The following ADAM29 variants were observed in gnomAD, a reference collection of about 807,000 sequenced individuals.
ADAM29 encodes the protein disintegrin and metalloproteinase domain-containing protein 29.
For missense variants in ADAM29, 969 were observed against 1,001.8 expected (o/e 0.97, Z 0.44); for synonymous variants, 367 against 342.3 (o/e 1.07, Z -0.80).
chr4:174,925,185 G>T (rs2110904699), intron 2 of ADAM29, among the ~76,000 whole-genome samples: 1 of 152,266 alleles, frequency 6.6e-6, no homozygotes, highest in South Asian at 2.1e-4. Flanking sequence ...TGTCCTGGAT[G>T]GGACCTTGGA....
intron 2 of ADAM29, among the ~76,000 whole-genome samples, chr4:174,928,427 A>AG (rs1306529327): frequency 6.7e-6 from 1 of 149,944 alleles, no homozygotes; most frequent in Admixed American, 6.7e-5. Flanking sequence ...GGGTCAGTGA[A>AG]GGGGGGTTTG....
rs764479028 is a variant in ADAM29, at chr4:174,976,778, A to G, written c.1253A>G (p.His418Arg). The change falls in exon 5 of 5, where the codon CAT becomes CGT. Residue 418 changes from histidine (H) to arginine (R), a missense_variant. Physicochemically the swap from His to Arg is conservative, Grantham distance 29. Transcript: ENST00000359240. Reference sequence around the variant, plus strand: ...GAGTGTGACTGTGGACCTTTAAAGCATTGTGCAAAAGATCCCTGCTGTCTG... The same window carrying G: ...GAGTGTGACTGTGGACCTTTAAAGCGTTGTGCAAAAGATCCCTGCTGTCTG... ...GEECDCGPLK[H>R]CAKDPCCLSN... The G allele has an allele frequency of 2.5e-5, 40 of 1,614,050 alleles. No homozygotes were observed. The highest frequency in any genetic ancestry group is 2.8e-5 in the Non-Finnish European group (33 of 1,180,022).
At chr4:174,940,771 T>C (rs1744492301) in intron 4 of ADAM29, among the ~76,000 whole-genome samples, 1 of 152,108 alleles carries the variant, frequency 6.6e-6, no homozygotes, top group African/African-American at 2.4e-5. Flanking sequence ...ATTTTCAGCA[T>C]GGTCATGATT....
At chr4:174,946,192 G>A (rs1433870369) in intron 4 of ADAM29, among the ~76,000 whole-genome samples, 1 of 151,952 alleles carries the variant, frequency 6.6e-6, no homozygotes, top group Non-Finnish European at 1.5e-5. Context: ...AATTCTCATG[G>A]ACAAAATCTT....
intron 4 of ADAM29, among the ~76,000 whole-genome samples, chr4:174,967,476 C>T (rs1746220472): frequency 6.6e-6 from 1 of 152,062 alleles, no homozygotes; most frequent in Admixed American, 6.6e-5. Flanking sequence ...CACAAAGTGG[C>T]TCTCATATAT....
At position 174,965,799 on chromosome 4, in the gene ADAM29, G is replaced by A. The variant is rs191972152; in HGVS notation, c.-180-9547G>A. ...CTCATCATGGGGGCCTTGCTCTCAT[G>A]ATCTCATTTAAACCTAATTAACATC... is the stretch of plus-strand genomic sequence containing the variant. On this transcript the variant is annotated intron_variant, in intron 4 of 4. Coordinates refer to ENST00000359240, the MANE Select transcript of ADAM29 (RefSeq NM_014269.4). 4.6e-5 allele frequency among the ~76,000 whole-genome samples: 7 copies of A among 151,624 alleles called. 1 individual carries two copies. Among genetic ancestry groups the A allele is most frequent in the African/African-American group, 1.7e-4 (7 of 40,984 alleles).
At chr4:174,933,748 T>C (rs1744044458) in intron 3 of ADAM29, among the ~76,000 whole-genome samples, 2 of 152,190 alleles carry the variant, frequency 1.3e-5, no homozygotes, top group Non-Finnish European at 2.9e-5. Context: ...TGTTTCTGTG[T>C]TAGTTTGCTA....
intron 4 of ADAM29, among the ~76,000 whole-genome samples, chr4:174,964,874 G>A (rs1746059160): frequency 6.6e-6 from 1 of 151,434 alleles, no homozygotes; most frequent in African/African-American, 2.4e-5. Context: ...TTATGTATAT[G>A]TTCATAAGTG....
intron 4 of ADAM29, among the ~76,000 whole-genome samples, chr4:174,970,712 A>T (rs1009417501): frequency 3.9e-5 from 6 of 152,158 alleles, no homozygotes; most frequent in South Asian, 2.1e-4. Context: ...AGCTAAAAGA[A>T]AAATAAACAT....
At position 174,975,884 on chromosome 4, in the gene ADAM29, T is replaced by A; in HGVS notation, c.359T>A (p.Phe120Tyr). ...TCCCTGGTTTCCCTCAGTACCTGTT[T>A]TGGGGGTTTTCAAGGAATATTACAG... ...PESLVSLSTC[F>Y]GGFQGILQIN... Residue 120 changes from phenylalanine (F) to tyrosine (Y), a missense_variant, in exon 5 of 5, where the codon TTT becomes TAT. Phe to Tyr is a conservative substitution (Grantham distance 22). Transcript: ENST00000359240. 3.7e-6 allele frequency: 6 copies of A among 1,613,610 alleles called. No homozygotes were observed. The highest frequency in any genetic ancestry group is 3.4e-6 in the Non-Finnish European group (4 of 1,179,868).
intron 4 of ADAM29, among the ~76,000 whole-genome samples, chr4:174,950,981 C>T (rs193260259): frequency 1.3e-5 from 2 of 152,232 alleles, no homozygotes; most frequent in African/African-American, 4.8e-5. Flanking sequence ...TTTCCTGAGG[C>T]CTCCCAGCCA....
intron 2 of ADAM29, among the ~76,000 whole-genome samples, chr4:174,923,069 T>A (rs1184264957): frequency 2.6e-5 from 4 of 152,088 alleles, no homozygotes; most frequent in Non-Finnish European, 5.9e-5. Context: ...TATTATTATT[T>A]TTTTGAGATG....
At chr4:174,960,499 A>G (rs1745749654) in intron 4 of ADAM29, among the ~76,000 whole-genome samples, 1 of 152,098 alleles carries the variant, frequency 6.6e-6, no homozygotes, top group African/African-American at 2.4e-5. Context: ...TATCATCTGC[A>G]GGGAGTTTTC....
At chr4:174,958,413 A>G (rs1745628162) in intron 4 of ADAM29, among the ~76,000 whole-genome samples, 1 of 151,720 alleles carries the variant, frequency 6.6e-6, no homozygotes, top group African/African-American at 2.4e-5. Context: ...TACCCTTCTT[A>G]TCCCTGACAA....
intron 4 of ADAM29, among the ~76,000 whole-genome samples, chr4:174,949,715 T>A (rs544606800): frequency 3.3e-5 from 5 of 152,184 alleles, no homozygotes; most frequent in Admixed American, 2.6e-4. Flanking sequence ...CTGCAGCTAG[T>A]CAGCCATCCT....
At position 174,978,054 on chromosome 4, in the gene ADAM29, G is replaced by A. The variant is rs1035440495; in HGVS notation, c.*66G>A. ...TGACGCCCTCCCAGAGCCAACCTCG[G>A]GTGACACCCTCCCAGAGTCAACCTC... is the stretch of plus-strand genomic sequence containing the variant. On this transcript the variant is annotated 3_prime_UTR_variant, in exon 5 of 5. Transcript: ENST00000359240. 6.3e-7 allele frequency: 1 copy of A among 1,583,412 alleles called. No individual in the cohort carries two copies. Among genetic ancestry groups the A allele is most frequent in the African/African-American group, 1.4e-5 (1 of 73,848 alleles).
intron 3 of ADAM29, among the ~76,000 whole-genome samples, chr4:174,932,732 A>T (rs1179170955): frequency 6.6e-6 from 1 of 152,198 alleles, no homozygotes; most frequent in Non-Finnish European, 1.5e-5. Flanking sequence ...AACTAAATGA[A>T]AATTTTGCAG....
At chr4:174,960,193 G>T (rs557129354) in intron 4 of ADAM29, among the ~76,000 whole-genome samples, 92 of 152,020 alleles carry the variant, frequency 6.1e-4, no homozygotes, top group African/African-American at 2.2e-3. Context: ...CTCACTTAGT[G>T]TTTTCTCGAA....
At chr4:174,940,945 T>G (rs553423579) in intron 4 of ADAM29, among the ~76,000 whole-genome samples, 1 of 152,158 alleles carries the variant, frequency 6.6e-6, no homozygotes, top group Non-Finnish European at 1.5e-5. Flanking sequence ...AATAAATGTA[T>G]GCCATTAGTT....
Sources: gnomAD v4.1 joint callset for allele counts (sites outside exome capture counted in the v4.1 genomes callset) on GRCh38, gnomAD v4.1.1 for gene constraint, MANE v1.5 for transcripts, NCBI Gene and HGNC (gene_info 2026-07-23, HGNC 2026-07-21) for gene names.